SIPA1L2: variants seen among roughly 807,000 people sequenced by gnomAD.
SIPA1L2 encodes the protein signal induced proliferation associated 1 like 2, also known as signal-induced proliferation-associated 1-like protein 2.
A neutral mutation model predicts 163.9 loss-of-function variants in SIPA1L2; 56 were observed. That is an observed-to-expected ratio of 0.34 (90% CI 0.28 to 0.43). SIPA1L2 has a LOEUF of 0.43. SIPA1L2 is among the 20% of genes least tolerant of loss of function. The pLI is 1.00. For missense variants in SIPA1L2, 1,974 were observed against 2,193.5 expected (o/e 0.90, Z 2.00); for synonymous variants, 877 against 865.7 (o/e 1.01, Z -0.23).
At chr1:232,598,623 T>C (rs142559315) in intron 1 of SIPA1L2, among the ~76,000 whole-genome samples, 31 of 152,266 alleles carry the variant, frequency 2.0e-4, no homozygotes, top group Non-Finnish European at 4.1e-4. Context: ...ATCAGGGCAC[T>C]AGCACATTCA....
rs749542332 is a variant in SIPA1L2 at position 232,403,492 on chromosome 1, T to A, written c.4896A>T (p.Leu1632Phe). 9.9e-6 allele frequency: 16 copies of A among 1,613,942 alleles called. No individual in the cohort carries two copies. The highest frequency in any genetic ancestry group is 1.3e-5 in the Non-Finnish European group (15 of 1,179,974). Reference sequence around the variant, plus strand: ...CTTTGCCACTGCCTGGATCTACACATAAGGGCAGCTCTTGGGCCCCTTCCA... The same window carrying A: ...CTTTGCCACTGCCTGGATCTACACAAAAGGGCAGCTCTTGGGCCCCTTCCA... ...QDLEGAQELPLCVDPGSGKEF... is the reference protein window; with the variant it reads ...QDLEGAQELPFCVDPGSGKEF... Residue 1632 changes from leucine to phenylalanine, a missense_variant, in exon 21 of 23, where the codon TTA becomes TTT. By Grantham distance (22) the Leu-to-Phe change is conservative. This residue lies in a region of SIPA1L2 where 1,079 missense variants were observed against 1,150.7 expected (regional missense o/e 0.94). Transcript: ENST00000674635.
intron 15 of SIPA1L2, 37 bp from the exon 16 acceptor site, chr1:232,432,508 T>C (rs777825390): frequency 1.9e-6 from 3 of 1,580,204 alleles, no homozygotes; most frequent in Non-Finnish European, 1.7e-6. Flanking sequence ...CAATACAATC[T>C]GATTTCAGCA....
chr1:232,487,374 G>A (rs1383186103), intron 5 of SIPA1L2, among the ~76,000 whole-genome samples: 2 of 152,138 alleles, frequency 1.3e-5, no homozygotes, highest in Non-Finnish European at 2.9e-5. Context: ...TTCTAAGCAT[G>A]TAATCTCATT....
At chr1:232,427,954 T>C (rs1027162061) in intron 17 of SIPA1L2, among the ~76,000 whole-genome samples, 2 of 152,092 alleles carry the variant, frequency 1.3e-5, no homozygotes, top group Non-Finnish European at 2.9e-5. Flanking sequence ...AAAAGTCAGG[T>C]GGTGTGAATT....
chr1:232,404,293 G>A (rs770010000), intron 19 of SIPA1L2, 115 bp from the exon 20 acceptor site: 18 of 819,602 alleles, frequency 2.2e-5, no homozygotes, highest in Non-Finnish European at 3.6e-5. Context: ...ATGGACCAGG[G>A]GAAACCCTTG....
chr1:232,560,833 A>G (rs2102744096), intron 2 of SIPA1L2, among the ~76,000 whole-genome samples: 1 of 152,358 alleles, frequency 6.6e-6, no homozygotes, highest in East Asian at 1.9e-4. Flanking sequence ...TTGGATAATA[A>G]ATAAATGCAA....
intron 2 of SIPA1L2, among the ~76,000 whole-genome samples, chr1:232,561,242 A>T (rs1407206741): frequency 6.6e-6 from 1 of 152,240 alleles, no homozygotes; most frequent in African/African-American, 2.4e-5. Context: ...CCAACTCCTT[A>T]TCATTATATA....
chr1:232,402,834 T>TA (rs1425234764), intron 21 of SIPA1L2: 1 of 183,012 alleles, frequency 5.5e-6, no homozygotes, highest in African/African-American at 2.4e-5. Flanking sequence ...TGAAGCTCGT[T>TA]ACCAATGTGA....
chr1:232,598,836 A>G (rs942150821), intron 1 of SIPA1L2, among the ~76,000 whole-genome samples: 2 of 152,158 alleles, frequency 1.3e-5, no homozygotes, highest in African/African-American at 4.8e-5. Context: ...TTGGGGGAAT[A>G]TAAATATTCA....
intron 15 of SIPA1L2, among the ~76,000 whole-genome samples, chr1:232,434,370 A>C (rs185208263): frequency 1.1e-3 from 172 of 152,294 alleles, no homozygotes; most frequent in Admixed American, 2.3e-3. Flanking sequence ...ACCAACCAAC[A>C]AACAAAGCGC....
intron 2 of SIPA1L2, among the ~76,000 whole-genome samples, chr1:232,555,377 C>T (rs1304441549): frequency 3.9e-5 from 6 of 152,162 alleles, no homozygotes. Context: ...CATAACCCCA[C>T]CCTGATCTTT....
chr1:232,568,814 T>C (rs1303122137), intron 2 of SIPA1L2, among the ~76,000 whole-genome samples: 2 of 152,224 alleles, frequency 1.3e-5, no homozygotes, highest in Non-Finnish European at 2.9e-5. Context: ...AACGTGTGTA[T>C]TGAGTGCCTA....
chr1:232,610,050 T>G (rs1343782303), intron 1 of SIPA1L2, among the ~76,000 whole-genome samples: 1 of 152,162 alleles, frequency 6.6e-6, no homozygotes, highest in Non-Finnish European at 1.5e-5. Context: ...TATGCACATT[T>G]TCATGGAACA....
intron 1 of SIPA1L2, among the ~76,000 whole-genome samples, chr1:232,588,625 A>T (rs1660794435): frequency 6.6e-6 from 1 of 152,226 alleles, no homozygotes; most frequent in African/African-American, 2.4e-5. Context: ...ATATCAAAGA[A>T]GATCCACTAT....
At chr1:232,456,643 T>G (rs965881351) in intron 10 of SIPA1L2, among the ~76,000 whole-genome samples, 2 of 152,256 alleles carry the variant, frequency 1.3e-5, no homozygotes, top group Non-Finnish European at 2.9e-5. Context: ...TAGGTTGATA[T>G]GCTTTCCTTC....
At chr1:232,558,421 G>T (rs548355282) in intron 2 of SIPA1L2, among the ~76,000 whole-genome samples, 2 of 152,156 alleles carry the variant, frequency 1.3e-5, no homozygotes, top group Non-Finnish European at 2.9e-5. Flanking sequence ...CCCCGGCCAC[G>T]GTTCTGATGG....
chr1:232,403,698 G>A (rs1660481181), intron 20 of SIPA1L2, 127 bp from the exon 21 acceptor site: 2 of 1,282,294 alleles, frequency 1.6e-6, no homozygotes, highest in Admixed American at 5.7e-5. Flanking sequence ...GCCTTGTTTT[G>A]GAGCAAAACA....
chr1:232,524,504 C>T (rs913631776), intron 2 of SIPA1L2, among the ~76,000 whole-genome samples: 4 of 152,112 alleles, frequency 2.6e-5, no homozygotes, highest in African/African-American at 9.7e-5. Context: ...AAATACTCTA[C>T]ATCTGAAAAA....
intron 6 of SIPA1L2, among the ~76,000 whole-genome samples, chr1:232,480,133 C>T (rs1665250607): frequency 6.8e-6 from 1 of 146,784 alleles, no homozygotes; most frequent in Admixed American, 6.9e-5. Context: ...GATGGCCTGG[C>T]CGCATCTGTG....
Sources: gnomAD v4.1 joint callset for allele counts (sites outside exome capture counted in the v4.1 genomes callset) on GRCh38, gnomAD v4.1.1 for gene constraint, gnomAD v4.1.1 regional missense constraint, MANE v1.5 for transcripts, NCBI Gene and HGNC (gene_info 2026-07-23, HGNC 2026-07-21) for gene names.